Variants in DSCAM observed in about 807,000 individuals in gnomAD.
DSCAM encodes DS cell adhesion molecule, also known as cell adhesion molecule DSCAM.
DSCAM carries 47 observed loss-of-function variants against 217.7 expected under a neutral mutation model. The ratio of observed to expected loss-of-function variants is 0.22; its 90% CI spans 0.17 to 0.28. The LOEUF (loss-of-function observed/expected upper bound fraction) is 0.28, where lower values mean the gene tolerates loss of function less well. Ranked by LOEUF, DSCAM falls within the 10% of genes least tolerant of loss-of-function variation. The pLI is 1.00. For missense variants in DSCAM, 2,080 were observed against 2,618.3 expected (o/e 0.79, Z 4.49); for synonymous variants, 1,056 against 1,015.3 (o/e 1.04, Z -0.76).
chr21:40,116,492 C>A (rs1441930628), intron 20 of DSCAM, among the ~76,000 whole-genome samples: 1 of 152,044 alleles, frequency 6.6e-6, no homozygotes, highest in Non-Finnish European at 1.5e-5. Context: ...TTTTTTCCAG[C>A]CGTATGATTC....
intron 11 of DSCAM, among the ~76,000 whole-genome samples, chr21:40,214,542 G>A (rs2091220951): frequency 6.6e-6 from 1 of 152,072 alleles, no homozygotes; most frequent in Admixed American, 6.5e-5. Flanking sequence ...AAGGAACACA[G>A]GACCGTAAAC....
intron 12 of DSCAM, among the ~76,000 whole-genome samples, chr21:40,188,429 T>C (rs1426263573): frequency 6.6e-6 from 1 of 152,188 alleles, no homozygotes; most frequent in Non-Finnish European, 1.5e-5. Context: ...ATCAGATTCC[T>C]TTTCTAGGAG....
At chr21:40,693,249 A>G (rs1236506640) in intron 2 of DSCAM, among the ~76,000 whole-genome samples, 5 of 152,146 alleles carry the variant, frequency 3.3e-5, no homozygotes, top group African/African-American at 1.2e-4. Flanking sequence ...AGACTGGGCA[A>G]CATGGCAACA....
intron 3 of DSCAM, among the ~76,000 whole-genome samples, chr21:40,652,360 A>C (rs201329379): frequency 6.7e-6 from 1 of 149,236 alleles, no homozygotes; most frequent in Non-Finnish European, 1.5e-5. Flanking sequence ...AAAAAAAAAA[A>C]AACAACTTCT....
At chr21:40,319,573 G>A (rs573785676) in intron 8 of DSCAM, among the ~76,000 whole-genome samples, 1 of 152,254 alleles carries the variant, frequency 6.6e-6, no homozygotes, top group South Asian at 2.1e-4. Flanking sequence ...CCCCTTCACA[G>A]AGTGATTTCA....
chr21:40,678,956 T>C (rs1053763782), intron 3 of DSCAM, among the ~76,000 whole-genome samples: 1 of 152,168 alleles, frequency 6.6e-6, no homozygotes, highest in African/African-American at 2.4e-5. Context: ...GTTCCAACAA[T>C]AAAATCATTT....
Position 40,296,083 on chromosome 21 carries a change from T to A in DSCAM, c.2154A>T (p.Val718=). ...ILNCSAEGYP[V]PTIVWKFSKG... The stretch of plus-strand genomic sequence containing the variant: ...TAGAGAATTTCCACACGATGGTAGG[T>A]ACAGGGTAACCCTCAGCAGAACAAT... The change falls in exon 10 of 33, where the codon GTA becomes GTT. Residue 718 remains valine (V), a synonymous_variant. Coordinates refer to ENST00000400454, the MANE Select transcript of DSCAM (RefSeq NM_001389.5). 2 of 1,614,068 alleles carry A rather than the reference T, an allele frequency of 1.2e-6. No individual in the cohort carries two copies. Among genetic ancestry groups the A allele is most frequent in the Non-Finnish European group, 1.7e-6 (2 of 1,179,968 alleles).
intron 3 of DSCAM, among the ~76,000 whole-genome samples, chr21:40,679,805 C>T (rs372734361): frequency 4.6e-5 from 7 of 152,064 alleles, no homozygotes; most frequent in Non-Finnish European, 2.9e-5. Context: ...CATTCTAATG[C>T]TTTTATGTTG....
At chr21:40,180,272 A>G (rs938110129) in intron 14 of DSCAM, among the ~76,000 whole-genome samples, 2 of 152,250 alleles carry the variant, frequency 1.3e-5, no homozygotes, top group African/African-American at 4.8e-5. Context: ...TTCTCTGTCC[A>G]GAGTTAAACA....
At chr21:40,357,048 T>C (rs2837575) in intron 4 of DSCAM, among the ~76,000 whole-genome samples, 110,618 of 152,010 alleles carry the variant, frequency 0.73, 40,651 homozygotes, top group African/African-American at 0.82. Context: ...TAAAGAATAC[T>C]TGATGAGCTT....
intron 3 of DSCAM, among the ~76,000 whole-genome samples, chr21:40,557,916 C>T (rs1166047048): frequency 6.6e-6 from 1 of 152,190 alleles, no homozygotes; most frequent in African/African-American, 2.4e-5. Flanking sequence ...TGTGGATCAA[C>T]AGGATTTTGC....
rs891105407 is a variant in DSCAM at position 40,731,735 on chromosome 21, C to G, written c.44-22964G>C. Among the ~76,000 whole-genome samples the G allele has an allele frequency of 1.7e-4, 22 of 126,358 alleles. 1 individual carries two copies. The highest frequency in any genetic ancestry group is 3.9e-3 in the Middle Eastern group (1 of 258). 82.9% of individuals were successfully genotyped at this position (126,358 alleles called of 152,430 possible). ...TTACCTCCTTCCCACTGCACCCCCCCCCCCGCCCCCCGGGTGAGAGTCTTG... is the reference window on the plus strand; with the variant it reads ...TTACCTCCTTCCCACTGCACCCCCCGCCCCGCCCCCCGGGTGAGAGTCTTG... On this transcript the variant is annotated intron_variant, in intron 1 of 32. Transcript: ENST00000400454.
intron 1 of DSCAM, among the ~76,000 whole-genome samples, chr21:40,807,153 CAT>C (rs1186738399): frequency 1.3e-5 from 2 of 151,914 alleles, no homozygotes; most frequent in Non-Finnish European, 2.9e-5. Flanking sequence ...ATAAGTGTTT[CAT>C]AGGAGAAACG....
chr21:40,515,755 G>C (rs143485505), intron 3 of DSCAM, among the ~76,000 whole-genome samples: 1 of 152,064 alleles, frequency 6.6e-6, no homozygotes, highest in African/African-American at 2.4e-5. Flanking sequence ...CAGCGCACTC[G>C]TAGGCAATGT....
intron 11 of DSCAM, among the ~76,000 whole-genome samples, chr21:40,268,998 C>T (rs2073578556): frequency 6.6e-6 from 1 of 152,156 alleles, no homozygotes; most frequent in African/African-American, 2.4e-5. Flanking sequence ...CTGCAAATCC[C>T]TATAGCTTCT....
At chr21:40,566,300 C>T (rs1267223350) in intron 3 of DSCAM, among the ~76,000 whole-genome samples, 5 of 151,992 alleles carry the variant, frequency 3.3e-5, no homozygotes, top group Admixed American at 2.0e-4. Context: ...AACATGCTTA[C>T]CAGCCATCAT....
At position 40,154,439 on chromosome 21, in the gene DSCAM, A is replaced by G. The variant is rs111853606; in HGVS notation, c.3019-9708T>C. 6.3e-3 allele frequency among the ~76,000 whole-genome samples: 958 copies of G among 152,084 alleles called. 15 individuals carry two copies. Among genetic ancestry groups the G allele is most frequent in the African/African-American group, 0.022 (926 of 41,458 alleles). On this transcript the variant is annotated intron_variant, in intron 16 of 32. Coordinates refer to ENST00000400454, the MANE Select transcript of DSCAM (RefSeq NM_001389.5). ...GCAAATTTTTGAACTTTTTTTGTAG[A>G]GATGGGTTTTTGCCATGTTGCCCAG...
chr21:40,801,037 C>T (rs570708841), intron 1 of DSCAM, among the ~76,000 whole-genome samples: 17 of 150,306 alleles, frequency 1.1e-4, no homozygotes, highest in South Asian at 6.3e-4. Flanking sequence ...CTGCAACCTC[C>T]GCCTTCAGAT....
Position 40,712,417 on chromosome 21 carries a change from T to G in DSCAM, c.44-3646A>C, listed in dbSNP as rs536795733. Among the ~76,000 whole-genome samples, 306 of 136,376 alleles carry G rather than the reference T, an allele frequency of 2.2e-3. 1 individual carries two copies. The highest frequency in any genetic ancestry group is 8.3e-3 in the African/African-American group (293 of 35,434). The allele number at this position is 136,376 out of a possible 152,430, so 89.5% of individuals were successfully genotyped here. A position where few individuals can be genotyped will look rare whatever the true frequency, so the allele number is the denominator to read the frequency against. The stretch of plus-strand genomic sequence containing the variant: ...AGCGGAGCTTGCAGTGAGCCGAGAT[T>G]GCGCCACTGCAGTCCGCAGTCCGAC... On this transcript the variant is annotated intron_variant, in intron 1 of 32. Transcript: ENST00000400454.
Sources: allele counts gnomAD v4.1 joint callset (sites outside exome capture counted in the v4.1 genomes callset), GRCh38; gene constraint gnomAD v4.1.1; transcripts MANE v1.5; gene names NCBI Gene and HGNC (gene_info 2026-07-23, HGNC 2026-07-21).